Variants in CFAP299 observed in about 807,000 individuals in gnomAD.
CFAP299 encodes the protein cilia- and flagella-associated protein 299.
In CFAP299, 21 loss-of-function variants were observed where a neutral mutation model predicts 27.0. The observed-to-expected ratio is 0.78, with a 90% CI of 0.55 to 1.12. The LOEUF is 1.12. Among genes scored for constraint, CFAP299 ranks in the 50% most tolerant of loss-of-function variants. The probability of loss-of-function intolerance (pLI) is 0.00; values close to 1 mark genes in which losing one functional copy is unlikely to be tolerated. For missense variants in CFAP299, 310 were observed against 276.6 expected, an observed-to-expected ratio of 1.12 and a Z score of -0.86; for synonymous variants, 104 against 98.1, an observed-to-expected ratio of 1.06 and a Z score of -0.36.
intron 2 of CFAP299, among the ~76,000 whole-genome samples, chr4:80,379,205 A>G (rs1724572947): frequency 6.6e-6 from 1 of 152,042 alleles, no homozygotes; most frequent in Non-Finnish European, 1.5e-5. Flanking sequence ...CACCTAATCA[A>G]TCTATAGGCA....
At chr4:80,692,461 A>C (rs536973175) in intron 3 of CFAP299, among the ~76,000 whole-genome samples, 1 of 152,372 alleles carries the variant, frequency 6.6e-6, no homozygotes, top group African/African-American at 2.4e-5. Flanking sequence ...TCCCTATTTA[A>C]TAAATGGTGC....
At chr4:80,364,820 A>G (rs969883489) in intron 2 of CFAP299, among the ~76,000 whole-genome samples, 12 of 152,122 alleles carry the variant, frequency 7.9e-5, no homozygotes, top group African/African-American at 2.7e-4. Context: ...ATGTGTTCTC[A>G]TCATTCAGCT....
chr4:80,383,844 TCTG>T (rs1724833542), intron 2 of CFAP299, among the ~76,000 whole-genome samples: 1 of 147,400 alleles, frequency 6.8e-6, no homozygotes, highest in African/African-American at 2.4e-5. Flanking sequence ...GTTTTATCTA[TCTG>T]TTTTTTTTTG....
rs540014161 is a variant in CFAP299 at position 80,855,954 on chromosome 4, T to C, written c.334-14039T>C. ...GGATGGCTGGGTCAAATGGTATTTC[T>C]AGTTCTAGATCCCTGAGGAATTGCC... On this transcript the variant is annotated intron_variant, in intron 3 of 5. Coordinates refer to ENST00000358105, the MANE Select transcript of CFAP299 (RefSeq NM_152770.3). Among the ~76,000 whole-genome samples, 850 of 151,926 alleles carry C rather than the reference T, an allele frequency of 5.6e-3. 4 individuals are homozygous for C. Among genetic ancestry groups the C allele is most frequent in the African/African-American group, 0.02 (811 of 41,304 alleles).
intron 2 of CFAP299, among the ~76,000 whole-genome samples, chr4:80,468,053 C>G (rs899944824): frequency 3.3e-5 from 5 of 152,120 alleles, no homozygotes; most frequent in African/African-American, 4.8e-5. Flanking sequence ...AACACAGAGC[C>G]AAACCATCCC....
chr4:80,368,715 G>A (rs1220689310), intron 2 of CFAP299, among the ~76,000 whole-genome samples: 1 of 151,958 alleles, frequency 6.6e-6, no homozygotes, highest in Non-Finnish European at 1.5e-5. Flanking sequence ...TTTTATTTTT[G>A]TATATCATTT....
chr4:80,535,148 TATA>T (rs151158393), intron 2 of CFAP299, among the ~76,000 whole-genome samples: 11,491 of 151,988 alleles, frequency 0.076, 618 homozygotes, highest in East Asian at 0.25. Context: ...ATCATAAAAA[TATA>T]ATAAAATAAG....
chr4:80,594,897 A>G (rs1736980499), intron 3 of CFAP299, among the ~76,000 whole-genome samples: 2 of 152,284 alleles, frequency 1.3e-5, no homozygotes, highest in East Asian at 3.9e-4. Context: ...CTAGTTAGTA[A>G]TCACTGATAG....
intron 3 of CFAP299, among the ~76,000 whole-genome samples, chr4:80,821,466 CT>C (rs1729702018): frequency 6.6e-6 from 1 of 152,178 alleles, no homozygotes; most frequent in South Asian, 2.1e-4. Context: ...AAAAGAAATG[CT>C]TCAGAACTGA....
chr4:80,879,260 C>T (rs1031575034), intron 4 of CFAP299, among the ~76,000 whole-genome samples: 3 of 152,078 alleles, frequency 2.0e-5, no homozygotes, highest in Non-Finnish European at 4.4e-5. Context: ...TTAGCAACTT[C>T]AGTAGCCCTA....
chr4:80,878,061 T>C (rs1020823718), intron 4 of CFAP299, among the ~76,000 whole-genome samples: 2 of 152,156 alleles, frequency 1.3e-5, no homozygotes, highest in East Asian at 3.8e-4. Context: ...TGTCATCTAA[T>C]GTTTAGCTCA....
intron 3 of CFAP299, among the ~76,000 whole-genome samples, chr4:80,692,372 G>A (rs1434619500): frequency 6.6e-6 from 1 of 152,146 alleles, no homozygotes; most frequent in Non-Finnish European, 1.5e-5. Context: ...ACAGAACAGA[G>A]CCCTCAGAAA....
At chr4:80,676,850 TTA>T (rs1207907321) in intron 3 of CFAP299, among the ~76,000 whole-genome samples, 1 of 152,102 alleles carries the variant, frequency 6.6e-6, no homozygotes, top group African/African-American at 2.4e-5. Context: ...TCTTCTTATG[TTA>T]GTATAGTTAG....
chr4:80,951,683 C>T (rs1287661253), intron 5 of CFAP299, among the ~76,000 whole-genome samples: 1 of 152,180 alleles, frequency 6.6e-6, no homozygotes, highest in Admixed American at 6.5e-5. Flanking sequence ...TTTTTAAAGC[C>T]TCTTCAGGTA....
At chr4:80,874,906 G>A (rs776541555) in intron 4 of CFAP299, among the ~76,000 whole-genome samples, 4 of 151,968 alleles carry the variant, frequency 2.6e-5, no homozygotes, top group African/African-American at 4.8e-5. Context: ...TGATTCTGAA[G>A]ACTTCTCATA....
At chr4:80,419,200 G>T (rs1162207070) in intron 2 of CFAP299, among the ~76,000 whole-genome samples, 1 of 151,392 alleles carries the variant, frequency 6.6e-6, no homozygotes, top group Non-Finnish European at 1.5e-5. Flanking sequence ...TTGGAAGAGG[G>T]CCAAGGGGGC....
chr4:80,434,715 A>G (rs958995541), intron 2 of CFAP299, among the ~76,000 whole-genome samples: 15 of 152,188 alleles, frequency 9.9e-5, no homozygotes, highest in Admixed American at 3.3e-4. Context: ...TGATGCCACA[A>G]TTTGGGTGCA....
intron 4 of CFAP299, among the ~76,000 whole-genome samples, chr4:80,930,483 G>A (rs572273729): frequency 1.1e-3 from 162 of 152,222 alleles, no homozygotes; most frequent in African/African-American, 3.5e-3. Context: ...TGTTGTGGGC[G>A]GAGCGGTCTT....
intron 2 of CFAP299, among the ~76,000 whole-genome samples, chr4:80,565,279 C>T (rs1234494058): frequency 1.3e-5 from 2 of 151,982 alleles, no homozygotes; most frequent in African/African-American, 4.8e-5. Context: ...TATATTCCTA[C>T]AATCAAGTAC....
Sources: gnomAD v4.1 joint callset for allele counts (sites outside exome capture counted in the v4.1 genomes callset) on GRCh38, gnomAD v4.1.1 for gene constraint, MANE v1.5 for transcripts, NCBI Gene and HGNC (gene_info 2026-07-23, HGNC 2026-07-21) for gene names.